CDK8: variants seen among roughly 807,000 people sequenced by gnomAD.
CDK8 encodes the protein cyclin-dependent kinase 8.
Under a neutral mutation model 71.5 loss-of-function variants are expected in CDK8, and 29 were observed. The observed-to-expected ratio is 0.41, with a 90% CI of 0.30 to 0.55. CDK8 has a LOEUF of 0.55. Ranked by LOEUF, CDK8 falls within the 20% of genes least tolerant of loss-of-function variation. The pLI is 0.37. For synonymous variants in CDK8, 161 were observed against 192.1 expected (o/e 0.84, Z 1.34); for missense variants, 288 against 572.6 (o/e 0.50, Z 5.07).
At position 26,254,417 on chromosome 13, in the gene CDK8, C is replaced by G. The variant is rs545430160; in HGVS notation, c.-225C>G. On this transcript the variant is annotated 5_prime_UTR_variant, in exon 1 of 13. Coordinates refer to ENST00000381527, the MANE Select transcript of CDK8 (RefSeq NM_001260.3). This position sits in a 1 kb window ranked among gnomAD's most constrained non-coding sequence, Gnocchi z 6.7. Reference sequence around the variant, plus strand: ...GCTCTCCTTCGCCGGGGGATCCTCCCCGTTCCTCCACCCCCGGCCGGCCTC... The same window carrying G: ...GCTCTCCTTCGCCGGGGGATCCTCCGCGTTCCTCCACCCCCGGCCGGCCTC... The G allele has an allele frequency of 1.7e-5, 7 of 408,344 alleles. No homozygotes were observed. In the South Asian group the frequency reaches 2.0e-4, roughly 11 times the overall value. The allele number at this position is 408,344 out of a possible 1,614,324, so 25.3% of individuals were successfully genotyped here. A position where few individuals can be genotyped will look rare whatever the true frequency, so the allele number is the denominator to read the frequency against.
intron 1 of CDK8, among the ~76,000 whole-genome samples, chr13:26,316,487 A>G (rs1874520514): frequency 6.6e-6 from 1 of 152,154 alleles, no homozygotes. Context: ...AAAAGCTGCC[A>G]CCTCTATCCT....
chr13:26,353,398 C>CT (rs10715270), intron 3 of CDK8, among the ~76,000 whole-genome samples: 1 of 147,388 alleles, frequency 6.8e-6, no homozygotes, highest in Non-Finnish European at 1.5e-5. Flanking sequence ...GAATTTTGTT[C>CT]TTTTTTTTTT....
In CDK8 at chr13:26,261,466, C is replaced by T. The variant is rs115634777; in HGVS notation, c.128+6697C>T. 8.0e-3 allele frequency among the ~76,000 whole-genome samples: 1,215 copies of T among 152,246 alleles called. 26 individuals carry two copies. Among genetic ancestry groups the T allele is most frequent in the African/African-American group, 0.026 (1,093 of 41,546 alleles). On this transcript the variant is annotated intron_variant, in intron 1 of 12. Coordinates refer to ENST00000381527, the MANE Select transcript of CDK8 (RefSeq NM_001260.3). ...AACCCATTAAGCAGTCAGTCCCATT[C>T]CCCTCTCTCCCCAGCCGTTGACAAG...
intron 7 of CDK8, among the ~76,000 whole-genome samples, chr13:26,393,754 TTTTTG>T (rs1875861699): frequency 6.6e-6 from 1 of 152,178 alleles, no homozygotes; most frequent in Non-Finnish European, 1.5e-5. Context: ...TTGTTTTACT[TTTTTG>T]TTTTGTTATT....
chr13:26,338,535 A>G (rs1873083761), intron 2 of CDK8, among the ~76,000 whole-genome samples: 1 of 152,130 alleles, frequency 6.6e-6, no homozygotes, highest in African/African-American at 2.4e-5. Context: ...TCTAAACTAA[A>G]GTAGAAAATC....
intron 4 of CDK8, among the ~76,000 whole-genome samples, chr13:26,381,319 C>G (rs1000596417): frequency 6.6e-6 from 1 of 151,992 alleles, no homozygotes; most frequent in African/African-American, 2.4e-5. Flanking sequence ...TGAAGTAGGC[C>G]GGGCCCTAAG....
chr13:26,403,822 TTATA>T (rs1876378998), intron 12 of CDK8, 130 bp from the exon 13 acceptor site: 1 of 1,076,458 alleles, frequency 9.3e-7, no homozygotes, highest in South Asian at 1.5e-5. Flanking sequence ...TTGTCTTTAA[TTATA>T]AAGTTAGTAC....
chr13:26,318,995 G>C, intron 1 of CDK8, among the ~76,000 whole-genome samples: 1 of 152,198 alleles, frequency 6.6e-6, no homozygotes, highest in East Asian at 1.9e-4. Context: ...TTAAAAGGCA[G>C]ATTATATAAT....
Position 26,353,720 on chromosome 13 carries a change from T to C in CDK8, c.316-20T>C, listed in dbSNP as rs746742395. The stretch of plus-strand genomic sequence containing the variant: ...TTTCCTTTTTTTAAGCTTCTGTTGA[T>C]ATTTTTTTCTTTCTTTCAGCATATA... On this transcript the variant is annotated intron_variant, in intron 3 of 12. Coordinates refer to ENST00000381527, the MANE Select transcript of CDK8 (RefSeq NM_001260.3). The C allele has an allele frequency of 6.3e-7, 1 of 1,576,646 alleles. No homozygotes were observed. Among genetic ancestry groups the C allele is most frequent in the Admixed American group, 1.8e-5 (1 of 54,614 alleles).
chr13:26,365,685 T>C (rs1874354641), intron 4 of CDK8, among the ~76,000 whole-genome samples: 1 of 152,114 alleles, frequency 6.6e-6, no homozygotes, highest in African/African-American at 2.4e-5. Context: ...ATTGATGTAA[T>C]ACATCATTAT....
At chr13:26,314,399 A>G (rs887354422) in intron 1 of CDK8, among the ~76,000 whole-genome samples, 7 of 152,240 alleles carry the variant, frequency 4.6e-5, no homozygotes, top group African/African-American at 1.4e-4. Flanking sequence ...ATCAAACATT[A>G]AAATACAAGT....
intron 1 of CDK8, among the ~76,000 whole-genome samples, chr13:26,283,840 G>A (rs967827658): frequency 3.3e-5 from 5 of 151,298 alleles, no homozygotes; most frequent in African/African-American, 1.2e-4. Flanking sequence ...GGAGGTTGCA[G>A]TGAGCCGAGA....
chr13:26,392,480 G>A (rs1314956681), intron 6 of CDK8, among the ~76,000 whole-genome samples: 5 of 151,648 alleles, frequency 3.3e-5, no homozygotes, highest in African/African-American at 1.2e-4. Context: ...GCCGCGTGCC[G>A]CCATGCCCAG....
chr13:26,362,848 C>A (rs540592908), intron 4 of CDK8, among the ~76,000 whole-genome samples: 1 of 152,100 alleles, frequency 6.6e-6, no homozygotes, highest in African/African-American at 2.4e-5. Flanking sequence ...ATGTGATATC[C>A]AAAATTTCAT....
intron 1 of CDK8, among the ~76,000 whole-genome samples, chr13:26,279,280 T>C (rs1872659423): frequency 6.6e-6 from 1 of 152,206 alleles, no homozygotes; most frequent in African/African-American, 2.4e-5. Flanking sequence ...TGAAAATTTG[T>C]TGGGAAATTA....
rs113998902 is a variant in CDK8 at position 26,318,838 on chromosome 13, A to G, written c.129-18729A>G. The stretch of plus-strand genomic sequence containing the variant: ...CAACATGATATGAGCTATACCTGAA[A>G]AACTCACAGTAAACATTATAGTCAA... On this transcript the variant is annotated intron_variant, in intron 1 of 12. Coordinates refer to ENST00000381527, the MANE Select transcript of CDK8 (RefSeq NM_001260.3). Among the ~76,000 whole-genome samples the G allele has an allele frequency of 6.4e-3, 971 of 152,314 alleles. 10 individuals carry two copies. The highest frequency in any genetic ancestry group is 0.021 in the African/African-American group (868 of 41,556).
chr13:26,376,205 G>A (rs1051588680), intron 4 of CDK8, among the ~76,000 whole-genome samples: 1 of 83,132 alleles, frequency 1.2e-5, no homozygotes, highest in African/African-American at 3.2e-5. Flanking sequence ...AGCTAGGTTC[G>A]CTTTTTTAAT....
chr13:26,388,400 G>A (rs1875582095), intron 6 of CDK8, among the ~76,000 whole-genome samples: 1 of 152,154 alleles, frequency 6.6e-6, no homozygotes, highest in African/African-American at 2.4e-5. Context: ...TTCTTTGCAA[G>A]TGTACTCTAA....
intron 6 of CDK8, among the ~76,000 whole-genome samples, chr13:26,389,827 G>GT (rs1337879666): frequency 1.3e-5 from 2 of 151,786 alleles, no homozygotes; most frequent in Non-Finnish European, 2.9e-5. Flanking sequence ...GTGAAACTCC[G>GT]TCTCTACTAA....
Sources: allele counts gnomAD v4.1 joint callset (sites outside exome capture counted in the v4.1 genomes callset), GRCh38; gene constraint gnomAD v4.1.1; non-coding constraint Gnocchi (gnomAD v3.1); transcripts MANE v1.5; gene names NCBI Gene and HGNC (gene_info 2026-07-23, HGNC 2026-07-21).